The following MEIS2 variants were observed in gnomAD, a reference collection of about 807,000 sequenced individuals.
The protein encoded by MEIS2 is Meis homeobox 2.
In MEIS2, 9 loss-of-function variants were observed where a neutral mutation model predicts 58.6. That is an observed-to-expected ratio of 0.15 (90% CI 0.09 to 0.27). MEIS2 has a LOEUF of 0.27. MEIS2 is among the 10% of genes least tolerant of loss of function. MEIS2 has a pLI of 1.00. For synonymous variants in MEIS2, 221 were observed against 228.4 expected, an observed-to-expected ratio of 0.97 and a Z score of 0.29; for missense variants, 427 against 635.0, an observed-to-expected ratio of 0.67 and a Z score of 3.52.
Position 37,084,047 on chromosome 15 carries a change from T to G in MEIS2, c.640-162A>C, listed in dbSNP as rs1466726245. On this transcript the variant is annotated intron_variant, in intron 6 of 11. Transcript: ENST00000561208. ...ATGTTATGGTGTGCTGTCTTTTTAG[T>G]AATAGGTATATAAAAGAAAAGATGT... 2.0e-5 allele frequency among the ~76,000 whole-genome samples: 3 copies of G among 152,184 alleles called. No individual in the cohort carries two copies. The East Asian group carries it at 5.8e-4, about 29-fold the overall frequency.
In MEIS2 at chr15:37,054,987, T is replaced by C. The variant is rs552437325; in HGVS notation, c.755-18028A>G. ...TAAACACTTTATATGAATTCCTTTGTTTAATTCTCATCATCCTATGAGAGT... is the reference window on the plus strand; with the variant it reads ...TAAACACTTTATATGAATTCCTTTGCTTAATTCTCATCATCCTATGAGAGT... On this transcript the variant is annotated intron_variant, in intron 7 of 11. Transcript: ENST00000561208. Among the ~76,000 whole-genome samples the C allele has an allele frequency of 2.5e-4, 38 of 152,334 alleles. No individual in the cohort carries two copies. In the Middle Eastern group the frequency reaches 0.02, roughly 82 times the overall value.
intron 9 of MEIS2, among the ~76,000 whole-genome samples, chr15:36,924,653 C>A (rs1031774629): frequency 2.0e-5 from 3 of 152,160 alleles, no homozygotes; most frequent in Non-Finnish European, 2.9e-5. Flanking sequence ...CGAACTTGAC[C>A]ATGACTGGCT....
At chr15:37,009,348 A>C (rs1357487241) in intron 8 of MEIS2, among the ~76,000 whole-genome samples, 1 of 152,166 alleles carries the variant, frequency 6.6e-6, no homozygotes, top group African/African-American at 2.4e-5. Flanking sequence ...CCCAATATAA[A>C]TTTGGTCTCA....
chr15:36,970,734 A>C (rs1211765222), intron 8 of MEIS2, among the ~76,000 whole-genome samples: 3 of 152,178 alleles, frequency 2.0e-5, no homozygotes, highest in African/African-American at 7.2e-5. Flanking sequence ...ATAAACATCA[A>C]CACCAATTTA....
intron 7 of MEIS2, among the ~76,000 whole-genome samples, chr15:37,071,744 G>A (rs1314724300): frequency 6.6e-6 from 1 of 151,990 alleles, no homozygotes; most frequent in Non-Finnish European, 1.5e-5. Flanking sequence ...TGACAGATCT[G>A]AGGATATAAA....
Position 37,098,455 on chromosome 15 carries a change from A to C in MEIS2, c.13-256T>G, listed in dbSNP as rs1894662904. 8 of 1,142,850 alleles carry C rather than the reference A, an allele frequency of 7.0e-6. No homozygotes were observed. The South Asian group carries it at 3.0e-4, about 43-fold the overall frequency. 70.8% of individuals were successfully genotyped at this position (1,142,850 alleles called of 1,614,324 possible). A position where few individuals can be genotyped will look rare whatever the true frequency, so the allele number is the denominator to read the frequency against. On this transcript the variant is annotated intron_variant, in intron 1 of 11. Coordinates refer to ENST00000561208, the MANE Select transcript of MEIS2 (RefSeq NM_170675.5). ...AAAAATAAAAACAAAGTCAGAAAGGAGAAAAGTACCGAGCACAAGTTGAGC... is the reference window on the plus strand; with the variant it reads ...AAAAATAAAAACAAAGTCAGAAAGGCGAAAAGTACCGAGCACAAGTTGAGC...
At chr15:36,979,925 C>T (rs889569590) in intron 8 of MEIS2, among the ~76,000 whole-genome samples, 2 of 147,968 alleles carry the variant, frequency 1.4e-5, no homozygotes, top group Non-Finnish European at 3.0e-5. Context: ...ATATAAAAAC[C>T]CCATACAATA....
rs1894249813 is a variant in MEIS2, at chr15:37,096,359, G to A, written c.317C>T (p.Pro106Leu). The change falls in exon 3 of 12, where the codon CCT becomes CTT. Residue 106 changes from proline (P) to leucine (L), a missense_variant. By Grantham distance (98) the Pro-to-Leu change is moderately conservative. Around this residue, in one of 6 missense-constraint regions of MEIS2, gnomAD observed 138 missense variants for 263.0 expected, o/e 0.52. Transcript: ENST00000561208. ...GCAGACGTCTCCGCCAGCCACTCCA[G>A]GTTCCCGGGGAGTGCAGGTCGCCAG... ...CELATCTPRE[P>L]GVAGGDVCSS... 2 of 1,613,964 alleles carry A rather than the reference G, an allele frequency of 1.2e-6. No individual in the cohort carries two copies. Among genetic ancestry groups the A allele is most frequent in the Non-Finnish European group, 1.7e-6 (2 of 1,179,938 alleles).
intron 8 of MEIS2, among the ~76,000 whole-genome samples, chr15:37,024,508 CG>C (rs2061634925): frequency 6.6e-6 from 1 of 152,292 alleles, no homozygotes; most frequent in East Asian, 1.9e-4. Context: ...CTGGCTGGTG[CG>C]TCTAAACCTA....
chr15:37,100,785 GA>G (rs1895030754), upstream of MEIS2: 1 of 151,500 alleles, frequency 6.6e-6, no homozygotes, highest in Admixed American at 6.6e-5. Flanking sequence ...GGGAGAGGGG[GA>G]GAGAGAAGAG....
At chr15:37,092,248 C>T (rs1274853551) in intron 6 of MEIS2, among the ~76,000 whole-genome samples, 1 of 152,158 alleles carries the variant, frequency 6.6e-6, no homozygotes, top group East Asian at 1.9e-4. Flanking sequence ...AACTTTTGTT[C>T]TTAGGCTGGC....
At chr15:37,044,217 CA>C (rs2062566631) in intron 7 of MEIS2, among the ~76,000 whole-genome samples, 1 of 152,206 alleles carries the variant, frequency 6.6e-6, no homozygotes, top group Admixed American at 6.5e-5. Context: ...TTCCTTTCCT[CA>C]AGCTGCTGGG....
At chr15:36,936,434 G>A (rs1567075533) in intron 9 of MEIS2, among the ~76,000 whole-genome samples, 1 of 152,022 alleles carries the variant, frequency 6.6e-6, no homozygotes, top group Non-Finnish European at 1.5e-5. Flanking sequence ...TGAGGGAGGT[G>A]CATTTTCTTA....
chr15:37,006,533 A>C (rs904216373), intron 8 of MEIS2, among the ~76,000 whole-genome samples: 5 of 152,178 alleles, frequency 3.3e-5, no homozygotes, highest in African/African-American at 1.2e-4. Flanking sequence ...GTCTACTTTA[A>C]ATCACTCCTT....
intron 7 of MEIS2, among the ~76,000 whole-genome samples, chr15:37,065,832 C>T (rs563848994): frequency 1.3e-5 from 2 of 152,266 alleles, no homozygotes; most frequent in Admixed American, 1.3e-4. Context: ...GAATGTGTTA[C>T]TAATGGAATT....
At chr15:36,920,251 G>C (rs2057448909) in intron 9 of MEIS2, among the ~76,000 whole-genome samples, 3 of 152,124 alleles carry the variant, frequency 2.0e-5, no homozygotes, top group Admixed American at 2.0e-4. Context: ...CCGGGTTCAA[G>C]CGATTCTCCT....
At chr15:36,963,640 G>A (rs2059263679) in intron 8 of MEIS2, among the ~76,000 whole-genome samples, 1 of 152,122 alleles carries the variant, frequency 6.6e-6, no homozygotes, top group South Asian at 2.1e-4. Flanking sequence ...AAATGGCCTG[G>A]GAACATACTA....
Position 36,891,885 on chromosome 15 carries a change from A to C in MEIS2, c.*288T>G, listed in dbSNP as rs1353994516. The C allele has an allele frequency of 2.2e-6, 1 of 448,920 alleles. No homozygotes were observed. Among genetic ancestry groups the C allele is most frequent in the Non-Finnish European group, 3.9e-6 (1 of 254,564 alleles). 27.8% of individuals were successfully genotyped at this position (448,920 alleles called of 1,614,324 possible). On this transcript the variant is annotated 3_prime_UTR_variant, in exon 12 of 12. Transcript: ENST00000561208. ...GAGGCAACATAACGGCGTGATCAAC[A>C]GAAATGTACAAGTTTAACTTAGTTC...
At chr15:36,941,799 T>C (rs1187275600) in intron 9 of MEIS2, among the ~76,000 whole-genome samples, 2 of 152,184 alleles carry the variant, frequency 1.3e-5, no homozygotes, top group Non-Finnish European at 2.9e-5. Context: ...TCCTCAAGAA[T>C]TGAGTTGAAA....
Sources: allele counts gnomAD v4.1 joint callset (sites outside exome capture counted in the v4.1 genomes callset), GRCh38; gene constraint gnomAD v4.1.1; regional missense constraint gnomAD v4.1.1; transcripts MANE v1.5; gene names NCBI Gene and HGNC (gene_info 2026-07-23, HGNC 2026-07-21).